Variants in NOD1 observed in about 807,000 individuals in gnomAD.
NOD1 encodes nucleotide binding oligomerization domain containing 1.
A neutral mutation model predicts 81.2 loss-of-function variants in NOD1; 70 were observed. The observed-to-expected ratio is 0.86, with a 90% CI of 0.71 to 1.05. The LOEUF (loss-of-function observed/expected upper bound fraction) is 1.05. Ranked by LOEUF, NOD1 falls within the 50% of genes least tolerant of loss-of-function variation. NOD1 has a pLI of 0.00. For synonymous variants in NOD1, 508 were observed against 526.9 expected, an observed-to-expected ratio of 0.96 and a Z score of 0.49; for missense variants, 1,233 against 1,228.0, an observed-to-expected ratio of 1.00 and a Z score of -0.06.
chr7:30,471,935 G>T (rs2952802), intron 1 of NOD1, among the ~76,000 whole-genome samples: 3,405 of 152,276 alleles, frequency 0.022, 125 homozygotes, highest in African/African-American at 0.078. Flanking sequence ...GGGCAGGCCT[G>T]GTTCCAAATC....
chr7:30,456,710 C>A lies in NOD1; in HGVS notation c.201+11G>T. 2 of 1,612,932 alleles carry A rather than the reference C, an allele frequency of 1.2e-6. No individual in the cohort carries two copies. Among genetic ancestry groups the A allele is most frequent in the South Asian group, 1.1e-5 (1 of 91,016 alleles). Reference sequence around the variant, plus strand: ...CACACAATGCCATGCCCGTCCCTGTCCCCGGGGCACCTTGTCAGGCTGGGT... The same window carrying A: ...CACACAATGCCATGCCCGTCCCTGTACCCGGGGCACCTTGTCAGGCTGGGT... On this transcript the variant is annotated intron_variant, in intron 4 of 13. Coordinates refer to ENST00000222823, the MANE Select transcript of NOD1 (RefSeq NM_006092.4).
intron 1 of NOD1, chr7:30,469,170 G>C (rs1788014410): frequency 1.0e-6 from 1 of 985,272 alleles, no homozygotes; most frequent in African/African-American, 1.7e-5. Context: ...ACTTAACCTG[G>C]AAAACAAGCC....
chr7:30,439,298 T>C (rs1470124892), intron 9 of NOD1, among the ~76,000 whole-genome samples: 1 of 140,860 alleles, frequency 7.1e-6, no homozygotes, highest in Non-Finnish European at 1.5e-5. Context: ...GCTCCCAGCG[T>C]GAGCGACGCA....
intron 7 of NOD1, chr7:30,447,416 A>G (rs1309701134): frequency 1.1e-5 from 3 of 275,716 alleles, no homozygotes; most frequent in African/African-American, 6.7e-5. Context: ...TACAACTAAG[A>G]TTACATTCAG....
At chr7:30,460,101 C>T (rs891132293) in intron 1 of NOD1, 60 bp from the exon 2 acceptor site, 2 of 330,136 alleles carry the variant, frequency 6.1e-6, no homozygotes, top group Non-Finnish European at 8.7e-6. Context: ...TTATAATGTC[C>T]AGAGCCCTGG....
chr7:30,477,273 G>C (rs1788879095), intron 1 of NOD1, among the ~76,000 whole-genome samples: 1 of 152,190 alleles, frequency 6.6e-6, no homozygotes, highest in South Asian at 2.1e-4. Flanking sequence ...TTATCTGTCT[G>C]GCATATTCGG....
chr7:30,476,353 A>G (rs1017717924), intron 1 of NOD1, among the ~76,000 whole-genome samples: 1 of 152,226 alleles, frequency 6.6e-6, no homozygotes, highest in Admixed American at 6.5e-5. Flanking sequence ...TGTTAGGATC[A>G]AAGTGACCAT....
At chr7:30,474,541 T>A (rs1788580781) in intron 1 of NOD1, among the ~76,000 whole-genome samples, 1 of 152,256 alleles carries the variant, frequency 6.6e-6, no homozygotes. Flanking sequence ...AGGCATTAAA[T>A]TCTCATAAGG....
At chr7:30,429,610 A>G (rs754068669) in intron 12 of NOD1, among the ~76,000 whole-genome samples, 153 bp from the exon 13 acceptor site, 6 of 152,274 alleles carry the variant, frequency 3.9e-5, no homozygotes, top group Non-Finnish European at 8.8e-5. Context: ...AAAAGTGTCC[A>G]GGTAAGATCC....
intron 4 of NOD1, 24 bp downstream of exon 4, chr7:30,456,697 T>C (rs910560129): frequency 3.7e-6 from 6 of 1,607,662 alleles, no homozygotes; most frequent in Non-Finnish European, 5.1e-6. Context: ...CACAATGCCA[T>C]GCCCGTCCCT....
chr7:30,476,873 T>C (rs1422079555), intron 1 of NOD1, among the ~76,000 whole-genome samples: 5 of 152,204 alleles, frequency 3.3e-5, no homozygotes, highest in Non-Finnish European at 7.3e-5. Context: ...GGGAACATTT[T>C]ATAGACATTC....
chr7:30,445,726 T>C (rs527239018), intron 9 of NOD1, among the ~76,000 whole-genome samples: 1 of 117,438 alleles, frequency 8.5e-6, no homozygotes, highest in African/African-American at 3.4e-5. Flanking sequence ...GCCACTGCAC[T>C]CCAGCCTGGG....
intron 10 of NOD1, among the ~76,000 whole-genome samples, chr7:30,436,854 C>G (rs1269863782): frequency 5.9e-5 from 9 of 152,096 alleles, no homozygotes; most frequent in African/African-American, 1.9e-4. Context: ...TACCATTTGA[C>G]CCAGCAATCC....
Position 30,477,408 on chromosome 7 carries a change from T to C in NOD1, c.-352+1198A>G, listed in dbSNP as rs1338436829. ...AAGATGCATCGTGGAGTTACTCTTTTACTCTTCCCTGAAAGTGATAGTTCA... is the reference window on the plus strand; with the variant it reads ...AAGATGCATCGTGGAGTTACTCTTTCACTCTTCCCTGAAAGTGATAGTTCA... On this transcript the variant is annotated intron_variant, in intron 1 of 13. Coordinates refer to ENST00000222823, the MANE Select transcript of NOD1 (RefSeq NM_006092.4). 2.0e-5 allele frequency among the ~76,000 whole-genome samples: 3 copies of C among 152,236 alleles called. No individual in the cohort carries two copies. The East Asian group carries it at 5.8e-4, about 29-fold the overall frequency.
At position 30,446,973 on chromosome 7, in the gene NOD1, T is replaced by C; in HGVS notation, c.2363A>G (p.His788Arg). ...KILDECKGLTHLKLGKNKITS... is the reference protein window; with the variant it reads ...KILDECKGLTRLKLGKNKITS... ...TGGTGCCTACCCCACTTACTTAAGA[T>C]GCGTGAGGCCTTTGCATTCATCCAG... Residue 788 changes from histidine to arginine, a missense_variant, in exon 8 of 14, where the codon CAT (histidine) becomes CGT (arginine). His to Arg is a conservative substitution (Grantham distance 29, BLOSUM62 0). Coordinates refer to ENST00000222823, the MANE Select transcript of NOD1 (RefSeq NM_006092.4). 6.2e-7 allele frequency: 1 copy of C among 1,613,454 alleles called. No individual in the cohort carries two copies. The highest frequency in any genetic ancestry group is 8.5e-7 in the Non-Finnish European group (1 of 1,179,534).
chr7:30,449,078 T>C (rs865988724), intron 6 of NOD1, among the ~76,000 whole-genome samples: 3 of 152,176 alleles, frequency 2.0e-5, no homozygotes, highest in African/African-American at 7.2e-5. Flanking sequence ...AGTAAGTAAA[T>C]AAATGGGTAT....
Position 30,437,500 on chromosome 7 carries a change from A to AC in NOD1, c.2537+72dup, listed in dbSNP as rs2128009995. On this transcript the variant is annotated intron_variant, in intron 10 of 13. Coordinates refer to ENST00000222823, the MANE Select transcript of NOD1 (RefSeq NM_006092.4). Reference sequence around the variant, plus strand: ...TCCTCTTCTATTAGGAGCACGAATCACCCTTCCCCAGCAAACCTAGAGCAG... The same window carrying AC: ...TCCTCTTCTATTAGGAGCACGAATCACCCCTTCCCCAGCAAACCTAGAGCAG... 8.4e-6 allele frequency: 8 copies of AC among 955,538 alleles called. No individual in the cohort carries two copies. In the Admixed American group the frequency reaches 2.2e-4, roughly 27 times the overall value. 59.2% of individuals were successfully genotyped at this position (955,538 alleles called of 1,614,324 possible). A position where few individuals can be genotyped will look rare whatever the true frequency, so the allele number is the denominator to read the frequency against.
At chr7:30,457,296 A>T (rs1242562022) in intron 3 of NOD1, among the ~76,000 whole-genome samples, 1 of 151,988 alleles carries the variant, frequency 6.6e-6, no homozygotes, top group Non-Finnish European at 1.5e-5. Context: ...CTACAAAAAT[A>T]AAAAAAATTA....
In NOD1 at chr7:30,467,803, G is replaced by A. The variant is rs1193126605; in HGVS notation, c.-351-7762C>T. On this transcript the variant is annotated intron_variant, in intron 1 of 13. Transcript: ENST00000222823. This position sits in a 1 kb window ranked among gnomAD's most constrained non-coding sequence, Gnocchi z 4.5. ...TGCAACCTCCGCCTCATAGGTTCAA[G>A]TGATTCTCCTGCCTCAGCCTCCTGA... Among the ~76,000 whole-genome samples the A allele has an allele frequency of 1.3e-5, 2 of 152,166 alleles. No homozygotes were observed. The highest frequency in any genetic ancestry group is 3.9e-4 in the East Asian group (2 of 5,182).
Sources: allele counts gnomAD v4.1 joint callset (sites outside exome capture counted in the v4.1 genomes callset), GRCh38; gene constraint gnomAD v4.1.1; non-coding constraint Gnocchi (gnomAD v3.1); transcripts MANE v1.5; gene names NCBI Gene and HGNC (gene_info 2026-07-23, HGNC 2026-07-21).